Variants in SHANK2 observed in about 807,000 individuals in gnomAD.
SHANK2 encodes the protein SH3 and multiple ankyrin repeat domains 2.
A neutral mutation model predicts 133.7 loss-of-function variants in SHANK2; 43 were observed. The ratio of observed to expected loss-of-function variants is 0.32; its 90% CI spans 0.25 to 0.41. SHANK2 has a LOEUF of 0.41. SHANK2 is among the 10% of genes least tolerant of loss of function. The pLI is 1.00. For synonymous variants in SHANK2, 1,017 were observed against 952.8 expected, an observed-to-expected ratio of 1.07 and a Z score of -1.24; for missense variants, 1,994 against 2,235.8, an observed-to-expected ratio of 0.89 and a Z score of 2.18.
intron 17 of SHANK2, among the ~76,000 whole-genome samples, chr11:70,521,756 G>T (rs146629696): frequency 6.6e-6 from 1 of 152,160 alleles, no homozygotes; most frequent in Admixed American, 6.5e-5. Flanking sequence ...ACAGCAGCAC[G>T]CTGGTCACAT....
intron 15 of SHANK2, among the ~76,000 whole-genome samples, chr11:70,686,066 CCCTT>C (rs1331337467): frequency 4.1e-4 from 60 of 146,808 alleles, no homozygotes; most frequent in East Asian, 2.7e-3. Context: ...CATCCAGCTC[CCCTT>C]CCTTCCTTCC....
At chr11:70,724,746 A>C (rs1222354925) in intron 14 of SHANK2, among the ~76,000 whole-genome samples, 2 of 152,196 alleles carry the variant, frequency 1.3e-5, no homozygotes, top group African/African-American at 4.8e-5. Flanking sequence ...GTGTCCAAAC[A>C]CCAGCTCAGA....
At chr11:70,808,852 G>C (rs960853707) in intron 12 of SHANK2, among the ~76,000 whole-genome samples, 8 of 152,198 alleles carry the variant, frequency 5.3e-5, no homozygotes, top group Non-Finnish European at 1.2e-4. Context: ...ACTGGACGAG[G>C]AAGCACCCAG....
chr11:70,852,534 G>C (rs782376738), intron 11 of SHANK2, among the ~76,000 whole-genome samples: 1 of 152,188 alleles, frequency 6.6e-6, no homozygotes, highest in Non-Finnish European at 1.5e-5. Flanking sequence ...GGTTTCTGGG[G>C]GACTGTGTGT....
At chr11:70,758,361 G>A (rs1444835649) in intron 14 of SHANK2, among the ~76,000 whole-genome samples, 1 of 151,918 alleles carries the variant, frequency 6.6e-6, no homozygotes, top group African/African-American at 2.4e-5. Flanking sequence ...GCTGTTCACC[G>A]CCATCCCAGA....
intron 14 of SHANK2, among the ~76,000 whole-genome samples, chr11:70,720,175 A>G (rs1946045085): frequency 6.6e-6 from 1 of 152,194 alleles, no homozygotes; most frequent in Non-Finnish European, 1.5e-5. Context: ...AGGGCCTGGT[A>G]CCTGGGAGAT....
At chr11:70,768,161 G>C (rs1441989302) in intron 14 of SHANK2, among the ~76,000 whole-genome samples, 2 of 152,218 alleles carry the variant, frequency 1.3e-5, no homozygotes, top group African/African-American at 4.8e-5. Flanking sequence ...TGGCATCAAA[G>C]AGAAGGTGCA....
chr11:71,142,665 TA>T (rs1165179487), intron 3 of SHANK2, among the ~76,000 whole-genome samples: 1 of 151,964 alleles, frequency 6.6e-6, no homozygotes, highest in East Asian at 1.9e-4. Flanking sequence ...ACAGAAAAAG[TA>T]ACAAAATACA....
At chr11:70,758,337 C>T (rs1289962588) in intron 14 of SHANK2, among the ~76,000 whole-genome samples, 1 of 152,068 alleles carries the variant, frequency 6.6e-6, no homozygotes, top group Non-Finnish European at 1.5e-5. Flanking sequence ...AGCTTTCGCT[C>T]GCCATCCACC....
intron 17 of SHANK2, among the ~76,000 whole-genome samples, chr11:70,628,092 TG>T (rs2060928656): frequency 1.3e-5 from 2 of 152,192 alleles, no homozygotes; most frequent in African/African-American, 4.8e-5. Flanking sequence ...CCTGAGTAGC[TG>T]GGATTACAGG....
intron 17 of SHANK2, among the ~76,000 whole-genome samples, chr11:70,592,019 C>T (rs540210275): frequency 1.6e-4 from 24 of 150,924 alleles, no homozygotes; most frequent in African/African-American, 4.6e-4. Flanking sequence ...GGCGATAGAG[C>T]GAGACTCCGT....
At chr11:70,715,870 G>A (rs1284108590) in intron 14 of SHANK2, among the ~76,000 whole-genome samples, 3 of 152,198 alleles carry the variant, frequency 2.0e-5, no homozygotes, top group African/African-American at 7.2e-5. Context: ...CAGTGGGGAG[G>A]AGGGGTGGGG....
At chr11:70,576,624 G>A (rs570922967) in intron 17 of SHANK2, among the ~76,000 whole-genome samples, 9 of 152,166 alleles carry the variant, frequency 5.9e-5, no homozygotes, top group South Asian at 4.1e-4. Context: ...GCGACAGAGC[G>A]AGACTCCATC....
At chr11:70,845,198 C>CAAAAAAAAA (rs782471301) in intron 11 of SHANK2, among the ~76,000 whole-genome samples, 8 of 51,660 alleles carry the variant, frequency 1.5e-4, no homozygotes, top group African/African-American at 5.8e-4. Context: ...GACTCTGTCT[C>CAAAAAAAAA]AAAAAAAAAA....
At chr11:70,851,265 T>C (rs1410968832) in intron 11 of SHANK2, among the ~76,000 whole-genome samples, 2 of 152,198 alleles carry the variant, frequency 1.3e-5, no homozygotes, top group East Asian at 3.9e-4. Flanking sequence ...GGGCTCCTAA[T>C]TGTCCCCCAC....
intron 14 of SHANK2, among the ~76,000 whole-genome samples, chr11:70,702,334 TCACCA>T (rs1945549925): frequency 2.7e-5 from 4 of 149,022 alleles, no homozygotes; most frequent in Non-Finnish European, 4.5e-5. Flanking sequence ...ACCATCATCA[TCACCA>T]ACACCATCAC....
chr11:70,549,323 T>C (rs1439469921), intron 17 of SHANK2, among the ~76,000 whole-genome samples: 1 of 152,060 alleles, frequency 6.6e-6, no homozygotes, highest in Non-Finnish European at 1.5e-5. Context: ...GAGGTGCGGG[T>C]CATTTCAAGT....
chr11:70,749,008 G>A (rs1230886934), intron 14 of SHANK2, among the ~76,000 whole-genome samples: 7 of 49,284 alleles, frequency 1.4e-4, no homozygotes, highest in African/African-American at 4.2e-4. Flanking sequence ...CACACACAGC[G>A]ACCGACCTGA....
chr11:70,856,772 T>C (rs1949179126), intron 11 of SHANK2, among the ~76,000 whole-genome samples: 1 of 152,148 alleles, frequency 6.6e-6, no homozygotes, highest in Non-Finnish European at 1.5e-5. Flanking sequence ...TTCAAGGATC[T>C]TACACAGAGT....
Sources: allele counts gnomAD v4.1 joint callset (sites outside exome capture counted in the v4.1 genomes callset), GRCh38; gene constraint gnomAD v4.1.1; transcripts MANE v1.5; gene names NCBI Gene and HGNC (gene_info 2026-07-23, HGNC 2026-07-21).